ANKRD61: variants seen among roughly 807,000 people sequenced by gnomAD.
ANKRD61 encodes ankyrin repeat domain-containing protein 61.
Under a neutral mutation model 8.4 loss-of-function variants are expected in ANKRD61, and 7 were observed. The observed-to-expected ratio is 0.84, with a 90% CI of 0.48 to 1.57. The LOEUF is 1.57. ANKRD61 is among the 40% of genes most tolerant of loss of function. ANKRD61 has a pLI of 0.00. For missense variants in ANKRD61, 516 were observed against 523.4 expected (o/e 0.99, Z 0.14); for synonymous variants, 198 against 208.0 (o/e 0.95, Z 0.41).
In ANKRD61 at chr7:6,036,238, CG is replaced by C. The variant is rs770327789; in HGVS notation, c.1110del (p.Gln371LysfsTer26). ...RLLRDTLIKQ[S>X]QKPLSLQGIC... is the part of the protein sequence containing the mutation. ...TTAAGGGACACCCTAATAAAGCAATCGCAAAAACCTTTATCCCTACAGGGTA... is the reference window on the plus strand; with the variant it reads ...TTAAGGGACACCCTAATAAAGCAATCCAAAAACCTTTATCCCTACAGGGTA... On this transcript the variant is annotated frameshift_variant, in exon 3 of 3. Coordinates refer to ENST00000409061, the MANE Select transcript of ANKRD61 (RefSeq NM_001271700.2). LOFTEE classifies it low-confidence loss of function (END_TRUNC). The surrounding 1 kb of genome is among the most constrained non-coding windows in gnomAD (Gnocchi z 4.6). 3.2e-6 allele frequency: 5 copies of C among 1,549,446 alleles called. No homozygotes were observed. The South Asian group carries it at 6.0e-5, about 18-fold the overall frequency.
At position 6,035,122 on chromosome 7, in the gene ANKRD61, GCA is replaced by G; in HGVS notation, c.315-319_315-318del. ...AAGGGACACAGCCCTAGCGGGGACG[GCA>G]CAGGTAAAACAGGCTGCTCCAAGAA... On this transcript the variant is annotated intron_variant, in intron 2 of 2. Transcript: ENST00000409061. The surrounding 1 kb of genome is among the most constrained non-coding windows in gnomAD (Gnocchi z 5.5). Among the ~76,000 whole-genome samples, 1 of 152,194 alleles carries G rather than the reference GCA, an allele frequency of 6.6e-6. No homozygotes were observed. The highest frequency in any genetic ancestry group is 6.5e-5 in the Admixed American group (1 of 15,280).
At position 6,035,808 on chromosome 7, in the gene ANKRD61, G is replaced by A. The variant is rs1188536115; in HGVS notation, c.679G>A (p.Val227Ile). Residue 227 changes from valine to isoleucine, a missense_variant, in exon 3 of 3, where the codon GTC (valine) becomes ATC (isoleucine). Coordinates refer to ENST00000409061, the MANE Select transcript of ANKRD61 (RefSeq NM_001271700.2). This position sits in a 1 kb window ranked among gnomAD's most constrained non-coding sequence, Gnocchi z 5.5. ...AACGCTCATTGCCTATGGAGCAAACGTCAACTGTGCTGTCTCTTCCACGGG... is the reference window on the plus strand; with the variant it reads ...AACGCTCATTGCCTATGGAGCAAACATCAACTGTGCTGTCTCTTCCACGGG... ...METLIAYGAN[V>I]NCAVSSTGNT... 5.8e-6 allele frequency: 9 copies of A among 1,550,598 alleles called. No homozygotes were observed. Among genetic ancestry groups the A allele is most frequent in the East Asian group, 2.4e-5 (1 of 40,934 alleles).
chr7:6,035,547 G>C lies in ANKRD61; in HGVS notation c.418G>C (p.Asp140His). 3.2e-6 allele frequency: 5 copies of C among 1,551,190 alleles called. No individual in the cohort carries two copies. Among genetic ancestry groups the C allele is most frequent in the Non-Finnish European group, 4.4e-6 (5 of 1,147,132 alleles). Residue 140 changes from aspartate (D) to histidine (H), a missense_variant, in exon 3 of 3, where the codon GAC becomes CAC. Transcript: ENST00000409061. This position sits in a 1 kb window ranked among gnomAD's most constrained non-coding sequence, Gnocchi z 5.5. ...PGNRTHRILT[D>H]IQNSSITCLR... is the part of the protein sequence containing the mutation. ...CAACAGAACGCACAGGATCCTGACA[G>C]ACATTCAGAATAGCAGCATCACATG... is the stretch of plus-strand genomic sequence containing the variant.
At position 6,035,275 on chromosome 7, in the gene ANKRD61, C is replaced by A. The variant is rs948498598; in HGVS notation, c.315-169C>A. On this transcript the variant is annotated intron_variant, in intron 2 of 2. Coordinates refer to ENST00000409061, the MANE Select transcript of ANKRD61 (RefSeq NM_001271700.2). The surrounding 1 kb of genome is among the most constrained non-coding windows in gnomAD (Gnocchi z 5.5). ...GCATCCCACCACATCCCACGAAAAA[C>A]CCTGGGATAGCCTGAGAAACTACCC... 4.6e-5 allele frequency among the ~76,000 whole-genome samples: 7 copies of A among 152,152 alleles called. No homozygotes were observed. The highest frequency in any genetic ancestry group is 8.8e-5 in the Non-Finnish European group (6 of 68,034).
Position 6,035,715 on chromosome 7 carries a change from G to A in ANKRD61, c.586G>A (p.Ala196Thr), listed in dbSNP as rs535921779. 235 of 1,550,870 alleles carry A rather than the reference G, an allele frequency of 1.5e-4. No homozygotes were observed. Among genetic ancestry groups the A allele is most frequent in the Non-Finnish European group, 4.0e-5 (46 of 1,147,090 alleles). The change falls in exon 3 of 3, where the codon GCT (alanine) becomes ACT (threonine). Residue 196 changes from alanine (A) to threonine (T), a missense_variant. Transcript: ENST00000409061. The surrounding 1 kb of genome is among the most constrained non-coding windows in gnomAD (Gnocchi z 5.5). The stretch of plus-strand genomic sequence containing the variant: ...GACCCAAAATGGTGCCGATGTCAAT[G>A]CTATTAATGAAGCCAGCATGACACC... ...ILTQNGADVN[A>T]INEASMTPLH... is the part of the protein sequence containing the mutation.
Position 6,035,242 on chromosome 7 carries a change from G to A in ANKRD61, c.315-202G>A, listed in dbSNP as rs184450883. On this transcript the variant is annotated intron_variant, in intron 2 of 2. Coordinates refer to ENST00000409061, the MANE Select transcript of ANKRD61 (RefSeq NM_001271700.2). This position sits in a 1 kb window ranked among gnomAD's most constrained non-coding sequence, Gnocchi z 5.5. ...ATAAAATGAAGCTAGGCCCCATCAC[G>A]TAGTGATGCATCCCACCACATCCCA... 4.3e-4 allele frequency among the ~76,000 whole-genome samples: 66 copies of A among 151,986 alleles called. No individual in the cohort carries two copies. Among genetic ancestry groups the A allele is most frequent in the African/African-American group, 1.6e-3 (65 of 41,474 alleles).
rs560649372 is a variant in ANKRD61 at position 6,035,884 on chromosome 7, G to T, written c.755G>T (p.Arg252Leu). 1.3e-6 allele frequency: 2 copies of T among 1,546,622 alleles called. No homozygotes were observed. Among genetic ancestry groups the T allele is most frequent in the Admixed American group, 2.0e-5 (1 of 50,756 alleles). The change falls in exon 3 of 3, where the codon CGA becomes CTA. Residue 252 changes from arginine to leucine, a missense_variant. Physicochemically the swap from Arg to Leu is moderately radical, Grantham distance 102. Transcript: ENST00000409061. The surrounding 1 kb of genome is among the most constrained non-coding windows in gnomAD (Gnocchi z 5.5). Reference protein sequence around the residue: ...AVCTASSKAGRLLGAGVSCIR... With the variant: ...AVCTASSKAGLLLGAGVSCIR... ...TGCACTGCATCAAGCAAAGCAGGCC[G>T]ACTCCTCGGGGCGGGGGTCAGCTGC...
Position 6,035,996 on chromosome 7 carries a change from C to G in ANKRD61, c.867C>G (p.Gly289=). The G allele has an allele frequency of 1.3e-6, 2 of 1,550,892 alleles. No homozygotes were observed. The highest frequency in any genetic ancestry group is 1.7e-6 in the Non-Finnish European group (2 of 1,147,036). Residue 289 remains glycine (G), a synonymous_variant, in exon 3 of 3, where the codon GGC becomes GGG. Coordinates refer to ENST00000409061, the MANE Select transcript of ANKRD61 (RefSeq NM_001271700.2). This position sits in a 1 kb window ranked among gnomAD's most constrained non-coding sequence, Gnocchi z 5.5. ...QTAIHEACFG[G]REAIINLLLE... The stretch of plus-strand genomic sequence containing the variant: ...CCATCCATGAGGCATGCTTTGGAGG[C>G]AGAGAGGCAATCATCAATCTCCTGC...
Position 6,032,475 on chromosome 7 carries a change from A to C in ANKRD61, c.217-364A>C, listed in dbSNP as rs1787943499. Among the ~76,000 whole-genome samples the C allele has an allele frequency of 6.6e-6, 1 of 152,196 alleles. No homozygotes were observed. On this transcript the variant is annotated intron_variant, in intron 1 of 2. Coordinates refer to ENST00000409061, the MANE Select transcript of ANKRD61 (RefSeq NM_001271700.2). The surrounding 1 kb of genome is among the most constrained non-coding windows in gnomAD (Gnocchi z 4.3). The stretch of plus-strand genomic sequence containing the variant: ...CGACTTTGGCAACGACACAGCACCT[A>C]CTTGTCCATCACCCTGTGGGTTAAT...
rs1787927124 is a variant in ANKRD61, at chr7:6,032,055, T to G, written c.216+464T>G. On this transcript the variant is annotated intron_variant, in intron 1 of 2. Transcript: ENST00000409061. The surrounding 1 kb of genome is among the most constrained non-coding windows in gnomAD (Gnocchi z 4.3). ...CGGGCTTGGTGGCAGGAGCCTGTAA[T>G]CTCAGCTACTCGGACGGCTGAGGCA... Among the ~76,000 whole-genome samples the G allele has an allele frequency of 6.6e-6, 1 of 151,998 alleles. No homozygotes were observed.
chr7:6,031,451 G>A lies in ANKRD61; in HGVS notation c.76G>A (p.Ala26Thr). 6.4e-7 allele frequency: 1 copy of A among 1,550,798 alleles called. No homozygotes were observed. Among genetic ancestry groups the A allele is most frequent in the Non-Finnish European group, 8.7e-7 (1 of 1,147,028 alleles). ...CAAGTCCCTGGAAGATGGCCCATCTGCAGCACTTCACTCGAAACTCTATGA... is the reference window on the plus strand; with the variant it reads ...CAAGTCCCTGGAAGATGGCCCATCTACAGCACTTCACTCGAAACTCTATGA... The part of the protein sequence containing the change: ...SAKSLEDGPS[A>T]ALHSKLYEAI... The change falls in exon 1 of 3, where the codon GCA becomes ACA. Residue 26 changes from alanine (A) to threonine (T), a missense_variant. Coordinates refer to ENST00000409061, the MANE Select transcript of ANKRD61 (RefSeq NM_001271700.2).
At position 6,031,592 on chromosome 7, in the gene ANKRD61, G is replaced by A. The variant is rs1395596708; in HGVS notation, c.216+1G>A. 6.4e-7 allele frequency: 1 copy of A among 1,550,428 alleles called. No homozygotes were observed. Among genetic ancestry groups the A allele is most frequent in the Non-Finnish European group, 8.7e-7 (1 of 1,146,880 alleles). On this transcript the variant is annotated splice_donor_variant, in intron 1 of 2. Coordinates refer to ENST00000409061, the MANE Select transcript of ANKRD61 (RefSeq NM_001271700.2). LOFTEE classifies it high-confidence loss of function. ...CAGCAACAGATTACTTCTGACCCAG[G>A]TACCCTCTTTTCTGCTCAGTCACTT...
At position 6,031,528 on chromosome 7, in the gene ANKRD61, C is replaced by G. The variant is rs1051412582; in HGVS notation, c.153C>G (p.His51Gln). ...CTTIEVLLRNHPVNQPITILP... is the reference protein window; with the variant it reads ...CTTIEVLLRNQPVNQPITILP... ...CGATCGAGGTACTCCTGAGAAATCA[C>G]CCTGTCAACCAGCCCATCACCATTC... Residue 51 changes from histidine (H) to glutamine (Q), a missense_variant, in exon 1 of 3, where the codon CAC (histidine) becomes CAG (glutamine). Transcript: ENST00000409061. 3 of 1,550,636 alleles carry G rather than the reference C, an allele frequency of 1.9e-6. No homozygotes were observed. The Admixed American group carries it at 5.9e-5, about 30-fold the overall frequency.
In ANKRD61 at chr7:6,036,264, A is replaced by G. The variant is rs767928392; in HGVS notation, c.1135A>G (p.Ile379Val). The G allele has an allele frequency of 5.2e-6, 8 of 1,549,952 alleles. No homozygotes were observed. The South Asian group carries it at 9.5e-5, about 18-fold the overall frequency. The stretch of plus-strand genomic sequence containing the variant: ...GCAAAAACCTTTATCCCTACAGGGT[A>G]TCTGCAAAAGAAACATCAGGAATAT... ...QSQKPLSLQGICKRNIRNIYG... is the reference protein window; with the variant it reads ...QSQKPLSLQGVCKRNIRNIYG... The change falls in exon 3 of 3, where the codon ATC becomes GTC. Residue 379 changes from isoleucine (I) to valine (V), a missense_variant. Transcript: ENST00000409061. This position sits in a 1 kb window ranked among gnomAD's most constrained non-coding sequence, Gnocchi z 4.6.
In ANKRD61 at chr7:6,032,778, C is replaced by T; in HGVS notation, c.217-61C>T. The T allele has an allele frequency of 7.2e-7, 1 of 1,385,132 alleles. No individual in the cohort carries two copies. Among genetic ancestry groups the T allele is most frequent in the Admixed American group, 2.0e-5 (1 of 49,172 alleles). 85.8% of individuals were successfully genotyped at this position (1,385,132 alleles called of 1,614,324 possible). ...TATTGCCTTTGAAACGGCAAGCTAA[C>T]ACAAACAGTATTTTTAACTACACAG... On this transcript the variant is annotated intron_variant, in intron 1 of 2. Coordinates refer to ENST00000409061, the MANE Select transcript of ANKRD61 (RefSeq NM_001271700.2). This position sits in a 1 kb window ranked among gnomAD's most constrained non-coding sequence, Gnocchi z 4.3.
At position 6,032,703 on chromosome 7, in the gene ANKRD61, T is replaced by A. The variant is rs1342497041; in HGVS notation, c.217-136T>A. ...AAAACAGGTAGTAGAAAGGAAACTTTCAATGCACATACCAGAAAAAGAGTG... is the reference window on the plus strand; with the variant it reads ...AAAACAGGTAGTAGAAAGGAAACTTACAATGCACATACCAGAAAAAGAGTG... On this transcript the variant is annotated intron_variant, in intron 1 of 2. Transcript: ENST00000409061. The surrounding 1 kb of genome is among the most constrained non-coding windows in gnomAD (Gnocchi z 4.3). 1.7e-6 allele frequency: 1 copy of A among 603,406 alleles called. No individual in the cohort carries two copies. Among genetic ancestry groups the A allele is most frequent in the Non-Finnish European group, 2.8e-6 (1 of 358,426 alleles). 37.4% of individuals were successfully genotyped at this position (603,406 alleles called of 1,614,324 possible). A position where few individuals can be genotyped will look rare whatever the true frequency, so the allele number is the denominator to read the frequency against.
rs1166424670 is a variant in ANKRD61, at chr7:6,033,082, C to G, written c.314+146C>G. The G allele has an allele frequency of 1.7e-6, 1 of 600,290 alleles. No individual in the cohort carries two copies. The highest frequency in any genetic ancestry group is 3.2e-5 in the East Asian group (1 of 31,040). 37.2% of individuals were successfully genotyped at this position (600,290 alleles called of 1,614,324 possible). The stretch of plus-strand genomic sequence containing the variant: ...TTCCTGGGTTCAAGAGCTTCTCCCA[C>G]CTCAGCCTCCCGAGTAGCTGGGATT... On this transcript the variant is annotated intron_variant, in intron 2 of 2. Coordinates refer to ENST00000409061, the MANE Select transcript of ANKRD61 (RefSeq NM_001271700.2). This position sits in a 1 kb window ranked among gnomAD's most constrained non-coding sequence, Gnocchi z 4.4.
Position 6,035,304 on chromosome 7 carries a change from G to A in ANKRD61, c.315-140G>A, listed in dbSNP as rs187793586. 1.9e-5 allele frequency: 16 copies of A among 860,460 alleles called. No homozygotes were observed. Among genetic ancestry groups the A allele is most frequent in the African/African-American group, 3.4e-5 (2 of 58,590 alleles). 53.3% of individuals were successfully genotyped at this position (860,460 alleles called of 1,614,324 possible). On this transcript the variant is annotated intron_variant, in intron 2 of 2. Transcript: ENST00000409061. This position sits in a 1 kb window ranked among gnomAD's most constrained non-coding sequence, Gnocchi z 5.5. ...GGGATAGCCTGAGAAACTACCCAGC[G>A]ATACAGATTTTGAAACACGTCCTTA... is the stretch of plus-strand genomic sequence containing the variant.
rs1476758807 is a variant in ANKRD61 at position 6,031,442 on chromosome 7, G to A, written c.67G>A (p.Gly23Ser). The A allele has an allele frequency of 6.4e-7, 1 of 1,550,646 alleles. No individual in the cohort carries two copies. Among genetic ancestry groups the A allele is most frequent in the Non-Finnish European group, 8.7e-7 (1 of 1,147,046 alleles). The change falls in exon 1 of 3, where the codon GGC (glycine) becomes AGC (serine). Residue 23 changes from glycine to serine, a missense_variant. Gly to Ser is a moderately conservative substitution (Grantham distance 56, BLOSUM62 0). Transcript: ENST00000409061. ...TGACAGTGCCAAGTCCCTGGAAGAT[G>A]GCCCATCTGCAGCACTTCACTCGAA... is the stretch of plus-strand genomic sequence containing the variant. ...VVDSAKSLED[G>S]PSAALHSKLY...
Sources: allele counts gnomAD v4.1 joint callset (sites outside exome capture counted in the v4.1 genomes callset), GRCh38; gene constraint gnomAD v4.1.1; non-coding constraint Gnocchi (gnomAD v3.1); transcripts MANE v1.5; gene names NCBI Gene and HGNC (gene_info 2026-07-23, HGNC 2026-07-21).